Variants in ZNF300 observed in about 807,000 individuals in gnomAD.
ZNF300 encodes the protein kruppel-like zinc finger protein.
Under a neutral mutation model 13.9 loss-of-function variants are expected in ZNF300, and 6 were observed. The observed-to-expected ratio is 0.43, with a 90% confidence interval of 0.24 to 0.85. The LOEUF (loss-of-function observed/expected upper bound fraction) is 0.85, where lower values mean the gene tolerates loss of function less well. Among genes scored for constraint, ZNF300 ranks in the 40% least tolerant of loss-of-function variants. The pLI is 0.25. For synonymous variants in ZNF300, 237 were observed against 242.2 expected (o/e 0.98, Z 0.20); for missense variants, 662 against 714.2 (o/e 0.93, Z 0.83).
intron 2 of ZNF300, 84 bp downstream of exon 2, chr5:150,903,780 C>A: frequency 5.4e-6 from 1 of 185,296 alleles, no homozygotes; most frequent in East Asian, 1.3e-4. Context: ...TTTTCAACAG[C>A]TCTATTGTCT....
intron 2 of ZNF300, 126 bp downstream of exon 2, chr5:150,903,737 TA>T: frequency 4.7e-6 from 1 of 212,520 alleles, no homozygotes; most frequent in East Asian, 1.0e-4. Flanking sequence ...AGGTTAATTT[TA>T]AGATGTTTTC....
chr5:150,902,394 C>T (rs1755021816), intron 3 of ZNF300, among the ~76,000 whole-genome samples: 1 of 152,124 alleles, frequency 6.6e-6, no homozygotes, highest in Non-Finnish European at 1.5e-5. Context: ...GCCTATCTTA[C>T]GTTAATGAAT....
At position 150,904,862 on chromosome 5, in the gene ZNF300, C is replaced by G. The variant is rs962863443; in HGVS notation, c.-300G>C. On this transcript the variant is annotated 5_prime_UTR_variant, in exon 1 of 6. Transcript: ENST00000274599. ...CCGGGCTCCCGAGGCTGCGCCGTTC[C>G]GTACTGGGCGGTTTTGCCCGTTCCG... 5 of 152,478 alleles carry G rather than the reference C, an allele frequency of 3.3e-5. No homozygotes were observed. The highest frequency in any genetic ancestry group is 7.3e-5 in the Non-Finnish European group (5 of 68,170). The allele number at this position is 152,478 out of a possible 1,614,324, so 9.4% of individuals were successfully genotyped here.
intron 5 of ZNF300, 152 bp downstream of exon 5, chr5:150,897,910 A>C (rs531462126): frequency 1.2e-6 from 1 of 835,520 alleles, no homozygotes; most frequent in East Asian, 2.6e-5. Flanking sequence ...ATCAACAACA[A>C]ATAGAACTCC....
chr5:150,897,122 G>C (rs538032641), intron 5 of ZNF300, 149 bp from the exon 6 acceptor site: 210 of 556,494 alleles, frequency 3.8e-4, no homozygotes, highest in African/African-American at 3.7e-3. Context: ...ACAGCATATA[G>C]TGTTATCAGG....
Position 150,896,232 on chromosome 5 carries a change from T to C in ZNF300, c.1007A>G (p.Gln336Arg). ...DCSECGKAFSQKSSLIIHQRV... is the reference protein window; with the variant it reads ...DCSECGKAFSRKSSLIIHQRV... The stretch of plus-strand genomic sequence containing the variant: ...CTGATGTATAATAAGGGACGATTTC[T>C]GAGAGAAGGCTTTTCCACATTCAGA... The change falls in exon 6 of 6, where the codon CAG (glutamine) becomes CGG (arginine). Residue 336 changes from glutamine to arginine, a missense_variant. Physicochemically the swap from Gln to Arg is conservative, Grantham distance 43 (BLOSUM62 1). Transcript: ENST00000274599. 6.2e-7 allele frequency: 1 copy of C among 1,613,734 alleles called. No homozygotes were observed. Among genetic ancestry groups the C allele is most frequent in the Non-Finnish European group, 8.5e-7 (1 of 1,179,792 alleles).
intron 3 of ZNF300, among the ~76,000 whole-genome samples, chr5:150,901,321 C>T (rs1216311302): frequency 6.6e-6 from 1 of 151,960 alleles, no homozygotes; most frequent in Admixed American, 6.6e-5. Flanking sequence ...ACATTTATTC[C>T]CATATATTAC....
chr5:150,901,884 C>G (rs1006893694), intron 3 of ZNF300, among the ~76,000 whole-genome samples: 4 of 152,056 alleles, frequency 2.6e-5, no homozygotes, highest in African/African-American at 9.7e-5. Context: ...ATACAAAAGA[C>G]CTTTATATTG....
At chr5:150,898,284 C>T in intron 4 of ZNF300, 100 bp from the exon 5 acceptor site, 1 of 1,590,714 alleles carries the variant, frequency 6.3e-7, no homozygotes, top group South Asian at 1.1e-5. Context: ...CCAGTTAGCC[C>T]TCAACAAAGG....
In ZNF300 at chr5:150,895,591, T is replaced by C. The variant is rs1754728220; in HGVS notation, c.1648A>G (p.Ile550Val). 4 of 1,613,482 alleles carry C rather than the reference T, an allele frequency of 2.5e-6. No individual in the cohort carries two copies. The highest frequency in any genetic ancestry group is 2.2e-5 in the South Asian group (2 of 91,052). The change falls in exon 6 of 6, where the codon ATA (isoleucine) becomes GTA (valine). Residue 550 changes from isoleucine to valine, a missense_variant. By Grantham distance (29) the Ile-to-Val change is conservative. Coordinates refer to ENST00000274599, the MANE Select transcript of ZNF300 (RefSeq NM_052860.4). ...QRIHTGEKPY[I>V]CAECGKAFSQ... ...AAGGCCTTTCCACATTCAGCACATA[T>C]GTAAGGTTTCTCTCCTGTATGAATT...
At position 150,896,134 on chromosome 5, in the gene ZNF300, T is replaced by A; in HGVS notation, c.1105A>T (p.Ile369Phe). ...GKAFSQKSPL[I>F]IHQRIHTGEK... ...CCAGTATGTATTCTCTGATGTATAA[T>A]GAGGGGTGATTTCTGGGAGAAGGCT... Residue 369 changes from isoleucine (I) to phenylalanine (F), a missense_variant, in exon 6 of 6, where the codon ATT becomes TTT. Coordinates refer to ENST00000274599, the MANE Select transcript of ZNF300 (RefSeq NM_052860.4). 6.2e-7 allele frequency: 1 copy of A among 1,613,372 alleles called. No individual in the cohort carries two copies. Among genetic ancestry groups the A allele is most frequent in the Non-Finnish European group, 8.5e-7 (1 of 1,179,716 alleles).
At chr5:150,897,788 C>T (rs1439730761) in intron 5 of ZNF300, 5 of 398,310 alleles carry the variant, frequency 1.3e-5, no homozygotes, top group African/African-American at 8.3e-5. Context: ...GGGAATATTG[C>T]CTTTTAAAGC....
rs554503701 is a variant in ZNF300 at position 150,895,054 on chromosome 5, G to A, written c.*370C>T. On this transcript the variant is annotated 3_prime_UTR_variant, in exon 6 of 6. Coordinates refer to ENST00000274599, the MANE Select transcript of ZNF300 (RefSeq NM_052860.4). ...ATTGTTTACTTAAGCTTTCTTCCAC[G>A]TCTTTTATAGAAAAATTAGTTTATG... is the stretch of plus-strand genomic sequence containing the variant. 10 of 166,774 alleles carry A rather than the reference G, an allele frequency of 6.0e-5. No individual in the cohort carries two copies. In the South Asian group the frequency reaches 1.1e-3, roughly 19 times the overall value. The allele number at this position is 166,774 out of a possible 1,614,324, so 10.3% of individuals were successfully genotyped here.
chr5:150,896,605 G>A lies in ZNF300; in HGVS notation c.634C>T (p.Pro212Ser), dbSNP rs1365871903. 5 of 1,613,346 alleles carry A rather than the reference G, an allele frequency of 3.1e-6. No homozygotes were observed. The highest frequency in any genetic ancestry group is 1.3e-5 in the African/African-American group (1 of 74,846). The change falls in exon 6 of 6, where the codon CCT (proline) becomes TCT (serine). Residue 212 changes from proline (P) to serine (S), a missense_variant. Transcript: ENST00000274599. ...SCYKSNSRKK[P>S]DQSFGGGKSS... Reference sequence around the variant, plus strand: ...TTTCCACCTCCAAAACTCTGATCAGGTTTTTTTCTTGAATTGCTCTTATAA... The same window carrying A: ...TTTCCACCTCCAAAACTCTGATCAGATTTTTTTCTTGAATTGCTCTTATAA...
chr5:150,901,368 A>G (rs977752819), intron 3 of ZNF300, among the ~76,000 whole-genome samples: 1 of 152,082 alleles, frequency 6.6e-6, no homozygotes, highest in Non-Finnish European at 1.5e-5. Flanking sequence ...CTTAAAAACT[A>G]CTAGTGAGTT....
rs749172555 is a variant in ZNF300, at chr5:150,896,466, T to C, written c.773A>G (p.Gln258Arg). The C allele has an allele frequency of 5.6e-6, 9 of 1,613,474 alleles. No homozygotes were observed. Among genetic ancestry groups the C allele is most frequent in the Non-Finnish European group, 7.6e-6 (9 of 1,179,770 alleles). The change falls in exon 6 of 6, where the codon CAA becomes CGA. Residue 258 changes from glutamine to arginine, a missense_variant. Coordinates refer to ENST00000274599, the MANE Select transcript of ZNF300 (RefSeq NM_052860.4). ...NVFRNTQSLI[Q>R]YQNVETKEKS... The stretch of plus-strand genomic sequence containing the variant: ...CTCTTTAGTTTCCACATTCTGATAT[T>C]GAATAAGGGATTGTGTATTTCTAAA...
chr5:150,901,000 A>G (rs1277603), intron 3 of ZNF300, among the ~76,000 whole-genome samples: 104,613 of 151,862 alleles, frequency 0.69, 37,595 homozygotes, highest in African/African-American at 0.9. Flanking sequence ...TTTACAGCTC[A>G]GGTCCCTGGG....
At chr5:150,902,924 T>G (rs909086816) in intron 3 of ZNF300, among the ~76,000 whole-genome samples, 7 of 152,216 alleles carry the variant, frequency 4.6e-5, no homozygotes, top group Admixed American at 1.3e-4. Flanking sequence ...ATCGTGTAAC[T>G]CATGATGTCT....
At chr5:150,897,205 G>A (rs1754823002) in intron 5 of ZNF300, 3 of 389,722 alleles carry the variant, frequency 7.7e-6, no homozygotes, top group East Asian at 3.8e-5. Context: ...GAAAAAGTGG[G>A]GTCTCATCAC....
Sources: allele counts gnomAD v4.1 joint callset (sites outside exome capture counted in the v4.1 genomes callset), GRCh38; gene constraint gnomAD v4.1.1; transcripts MANE v1.5; gene names NCBI Gene and HGNC (gene_info 2026-07-23, HGNC 2026-07-21).